Variants in FILIP1L observed in about 807,000 individuals in gnomAD.
FILIP1L encodes filamin A interacting protein 1 like.
A neutral mutation model predicts 96.6 loss-of-function variants in FILIP1L; 55 were observed. The observed-to-expected ratio is 0.57, with a 90% CI of 0.46 to 0.71. The LOEUF (loss-of-function observed/expected upper bound fraction) is 0.71. Ranked by LOEUF, FILIP1L falls within the 30% of genes least tolerant of loss-of-function variation. The pLI is 0.00. For missense variants in FILIP1L, 1,304 were observed against 1,321.2 expected (o/e 0.99, Z 0.20); for synonymous variants, 467 against 473.9 (o/e 0.99, Z 0.19).
chr3:99,851,085 G>T lies in FILIP1L; in HGVS notation c.606-15C>A. 6.5e-7 allele frequency: 1 copy of T among 1,549,304 alleles called. No homozygotes were observed. The highest frequency in any genetic ancestry group is 2.3e-5 in the East Asian group (1 of 44,304). ...GCTTCTTTAATCTGAAAAATGTAAA[G>T]TGCATTTTATTTTGTGATTGATGCT... On this transcript the variant is annotated splice_polypyrimidine_tract_variant and intron_variant, in intron 4 of 5. Transcript: ENST00000477258.
chr3:99,996,413 C>T (rs188108854), intron 1 of FILIP1L, among the ~76,000 whole-genome samples: 21 of 152,314 alleles, frequency 1.4e-4, no homozygotes, highest in Non-Finnish European at 2.8e-4. Flanking sequence ...GAAGTTCCAA[C>T]TTTCCCACAT....
chr3:100,100,733 A>G lies in FILIP1L; in HGVS notation c.-11+13320T>C, dbSNP rs2066289268. On this transcript the variant is annotated intron_variant, in intron 1 of 5. Coordinates refer to ENST00000477258, the MANE Select transcript of FILIP1L (RefSeq NM_001387850.1). The stretch of plus-strand genomic sequence containing the variant: ...GGTAGCTGAGAATACCAAGATGATG[A>G]GAAATAGCATCACTAAGATATCTGG... Among the ~76,000 whole-genome samples, 3 of 152,320 alleles carry G rather than the reference A, an allele frequency of 2.0e-5. No homozygotes were observed. In the South Asian group the frequency reaches 6.2e-4, roughly 32 times the overall value.
At chr3:99,946,961 C>G (rs534153144) in intron 1 of FILIP1L, among the ~76,000 whole-genome samples, 1 of 151,954 alleles carries the variant, frequency 6.6e-6, no homozygotes, top group East Asian at 1.9e-4. Context: ...ATGGCAAAAC[C>G]CCGCCTCTAC....
chr3:99,864,890 A>G (rs1944435957), intron 4 of FILIP1L, among the ~76,000 whole-genome samples: 1 of 152,202 alleles, frequency 6.6e-6, no homozygotes, highest in Non-Finnish European at 1.5e-5. Context: ...AACTACATGC[A>G]GGTAATGGTG....
intron 4 of FILIP1L, chr3:99,898,748 A>C (rs1213443057): frequency 6.8e-6 from 1 of 147,438 alleles, no homozygotes. Flanking sequence ...CCTCGGCAGC[A>C]GAGCTAGACT....
At position 100,112,838 on chromosome 3, in the gene FILIP1L, A is replaced by G. The variant is rs541043779; in HGVS notation, c.-11+1215T>C. 8.5e-4 allele frequency among the ~76,000 whole-genome samples: 129 copies of G among 152,376 alleles called. 1 individual carries two copies. The highest frequency in any genetic ancestry group is 3.0e-3 in the African/African-American group (123 of 41,588). On this transcript the variant is annotated intron_variant, in intron 1 of 5. Coordinates refer to ENST00000477258, the MANE Select transcript of FILIP1L (RefSeq NM_001387850.1). ...TATTTATGCTGATTTTTAATTAAGC[A>G]TAATGAGAGTTTCATAATAGTGTCA...
chr3:100,112,662 T>C (rs1212214095), intron 1 of FILIP1L, among the ~76,000 whole-genome samples: 2 of 152,240 alleles, frequency 1.3e-5, no homozygotes, highest in East Asian at 3.8e-4. Context: ...ATCTTTGTAT[T>C]GGTTAGTATA....
chr3:100,034,514 C>G (rs1229299697), intron 1 of FILIP1L, among the ~76,000 whole-genome samples: 1 of 152,196 alleles, frequency 6.6e-6, no homozygotes. Context: ...CCAAAAGGTT[C>G]TTTGTGTTGC....
At chr3:100,012,464 T>G (rs1368799426) in intron 1 of FILIP1L, among the ~76,000 whole-genome samples, 1 of 152,204 alleles carries the variant, frequency 6.6e-6, no homozygotes, top group African/African-American at 2.4e-5. Context: ...TGTAGTATTT[T>G]CTAACTTTGG....
At chr3:99,856,984 C>T (rs1386602683) in intron 4 of FILIP1L, among the ~76,000 whole-genome samples, 1 of 152,140 alleles carries the variant, frequency 6.6e-6, no homozygotes, top group African/African-American at 2.4e-5. Context: ...ACAGTCAACC[C>T]TACTAAAATA....
chr3:100,056,124 G>A (rs1180898439), intron 1 of FILIP1L, among the ~76,000 whole-genome samples: 2 of 152,142 alleles, frequency 1.3e-5, no homozygotes, highest in African/African-American at 4.8e-5. Context: ...GAAGGGAAGG[G>A]AAGGCAGGGA....
chr3:100,030,656 A>G (rs969149831), intron 1 of FILIP1L, among the ~76,000 whole-genome samples: 1 of 152,154 alleles, frequency 6.6e-6, no homozygotes, highest in African/African-American at 2.4e-5. Flanking sequence ...TTGTCCCCAC[A>G]ACTAATTTAA....
intron 1 of FILIP1L, among the ~76,000 whole-genome samples, chr3:100,060,084 C>A (rs2107341641): frequency 6.6e-6 from 1 of 152,180 alleles, no homozygotes; most frequent in Non-Finnish European, 1.5e-5. Context: ...GGTACATGTG[C>A]CCTCAGCTGT....
chr3:100,034,492 C>G lies in FILIP1L; in HGVS notation c.-11+79561G>C, dbSNP rs187450474. On this transcript the variant is annotated intron_variant, in intron 1 of 5. Coordinates refer to ENST00000477258, the MANE Select transcript of FILIP1L (RefSeq NM_001387850.1). ...AACATTGGTTAAAAGGTAGCCACTT[C>G]GTTCCAGTAATCCAAAAGGTTCTTT... 8.5e-5 allele frequency among the ~76,000 whole-genome samples: 13 copies of G among 152,320 alleles called. No homozygotes were observed. In the East Asian group the frequency reaches 2.5e-3, roughly 29 times the overall value.
chr3:99,963,773 A>C (rs1413875797), intron 1 of FILIP1L, among the ~76,000 whole-genome samples: 1 of 151,962 alleles, frequency 6.6e-6, no homozygotes, highest in Non-Finnish European at 1.5e-5. Context: ...ACACGCCACC[A>C]TGCTCAGCTA....
chr3:100,015,074 G>C (rs911105166), intron 1 of FILIP1L, among the ~76,000 whole-genome samples: 3 of 150,668 alleles, frequency 2.0e-5, no homozygotes, highest in Non-Finnish European at 4.4e-5. Context: ...TTTGTGTATT[G>C]TACGAGATAA....
chr3:99,965,697 A>G (rs541753416), intron 1 of FILIP1L, among the ~76,000 whole-genome samples: 2 of 152,272 alleles, frequency 1.3e-5, no homozygotes, highest in Non-Finnish European at 2.9e-5. Context: ...CCCCCTGCTC[A>G]TCCTGTGGAA....
chr3:100,016,784 T>A (rs934185322), intron 1 of FILIP1L, among the ~76,000 whole-genome samples: 2 of 152,246 alleles, frequency 1.3e-5, no homozygotes, highest in Non-Finnish European at 2.9e-5. Context: ...TATAAACTTA[T>A]AAAGCAGACA....
At chr3:100,057,874 C>T (rs1303958828) in intron 1 of FILIP1L, among the ~76,000 whole-genome samples, 2 of 152,184 alleles carry the variant, frequency 1.3e-5, no homozygotes. Context: ...CAATGCCGGT[C>T]CAACTTCTAT....
Sources: allele counts gnomAD v4.1 joint callset (sites outside exome capture counted in the v4.1 genomes callset), GRCh38; gene constraint gnomAD v4.1.1; transcripts MANE v1.5; gene names NCBI Gene and HGNC (gene_info 2026-07-23, HGNC 2026-07-21).